TOP6BL: variants seen among roughly 807,000 people sequenced by gnomAD.
TOP6BL encodes the protein TOP6B like initiator of meiotic double strand breaks, also known as type 2 DNA topoisomerase 6 subunit B-like.
At chr11:66,775,993 T>C in the TOP6BL span, among the ~76,000 whole-genome samples, 3 of 152,132 alleles carry the variant, frequency 2.0e-5, no homozygotes, top group Non-Finnish European at 4.4e-5. Context: ...TTTTGGATCC[T>C]CTATATGGGC....
chr11:66,832,375 C>T, the TOP6BL span, among the ~76,000 whole-genome samples: 1 of 152,230 alleles, frequency 6.6e-6, no homozygotes, highest in Non-Finnish European at 1.5e-5. Flanking sequence ...GCTGGGATTA[C>T]AGGCATGAGC....
At chr11:66,802,645 G>T in the TOP6BL span, among the ~76,000 whole-genome samples, 1 of 152,160 alleles carries the variant, frequency 6.6e-6, no homozygotes, top group Non-Finnish European at 1.5e-5. Flanking sequence ...TATGTGCCCA[G>T]AGGCAACACT....
the TOP6BL span, chr11:66,822,743 C>A: frequency 1.8e-6 from 2 of 1,091,742 alleles, no homozygotes; most frequent in Non-Finnish European, 2.7e-6. Context: ...GTGGCTCATG[C>A]CTATAATCGC....
At chr11:66,800,601 G>A in the TOP6BL span, 1 of 1,506,190 alleles carries the variant, frequency 6.6e-7, no homozygotes, top group Non-Finnish European at 9.1e-7. Flanking sequence ...TCTGTATCTT[G>A]GCTCATGTTA....
chr11:66,822,624 A>G, the TOP6BL span: 1 of 1,552,978 alleles, frequency 6.4e-7, no homozygotes, highest in Non-Finnish European at 8.7e-7. Context: ...GAGTATTCTG[A>G]CTGGAAGCAC....
the TOP6BL span, among the ~76,000 whole-genome samples, chr11:66,783,269 A>G: frequency 6.6e-6 from 1 of 152,186 alleles, no homozygotes; most frequent in Non-Finnish European, 1.5e-5. Flanking sequence ...AGGCTGAGGT[A>G]GGAGGATCCT....
chr11:66,836,473 T>C, the TOP6BL span, among the ~76,000 whole-genome samples: 9 of 151,708 alleles, frequency 5.9e-5, no homozygotes, highest in African/African-American at 1.7e-4. Context: ...CCTCCCAAAG[T>C]GTAGGGATTA....
chr11:66,810,520 A>C, the TOP6BL span, among the ~76,000 whole-genome samples: 1 of 152,210 alleles, frequency 6.6e-6, no homozygotes, highest in African/African-American at 2.4e-5. Flanking sequence ...TGAGGTCTTC[A>C]GTATTTAAAG....
chr11:66,764,755 A>T, the TOP6BL span, among the ~76,000 whole-genome samples: 1 of 151,970 alleles, frequency 6.6e-6, no homozygotes, highest in Non-Finnish European at 1.5e-5. Flanking sequence ...AGGTAGGCAG[A>T]TTGCTCGAGC....
chr11:66,757,472 A>G, the TOP6BL span, among the ~76,000 whole-genome samples: 1 of 152,226 alleles, frequency 6.6e-6, no homozygotes, highest in African/African-American at 2.4e-5. Flanking sequence ...GAGTATTACT[A>G]TCCAATAAAA....
At chr11:66,837,352 C>T in the TOP6BL span, among the ~76,000 whole-genome samples, 41 of 152,068 alleles carry the variant, frequency 2.7e-4, no homozygotes, top group African/African-American at 9.9e-4. Flanking sequence ...TGGTTTCAAT[C>T]TCCTGACGTC....
the TOP6BL span, among the ~76,000 whole-genome samples, chr11:66,766,284 C>CT: frequency 1.3e-5 from 2 of 152,220 alleles, no homozygotes; most frequent in East Asian, 3.9e-4. Flanking sequence ...TATCAAGGTA[C>CT]TTTTTTCTCT....
chr11:66,814,368 C>T, the TOP6BL span, among the ~76,000 whole-genome samples: 1 of 152,152 alleles, frequency 6.6e-6, no homozygotes, highest in African/African-American at 2.4e-5. Flanking sequence ...AAGTGATCCT[C>T]CTGCCTCACC....
chr11:66,836,889 C>T, the TOP6BL span, among the ~76,000 whole-genome samples: 3 of 150,226 alleles, frequency 2.0e-5, no homozygotes, highest in South Asian at 2.1e-4. Flanking sequence ...TCAGTAGAGA[C>T]GGGGTTTCAC....
chr11:66,745,615 G>C, the TOP6BL span, among the ~76,000 whole-genome samples: 1 of 152,208 alleles, frequency 6.6e-6, no homozygotes, highest in Non-Finnish European at 1.5e-5. Context: ...AGAAGCACAG[G>C]CTCTGAGGGC....
At chr11:66,764,240 A>G in the TOP6BL span, among the ~76,000 whole-genome samples, 286 of 152,250 alleles carry the variant, frequency 1.9e-3, 1 homozygote, top group African/African-American at 6.6e-3. Context: ...AAAAACATCT[A>G]ATTATTTATA....
the TOP6BL span, among the ~76,000 whole-genome samples, chr11:66,834,109 T>C: frequency 6.6e-6 from 1 of 152,206 alleles, no homozygotes; most frequent in Non-Finnish European, 1.5e-5. Context: ...ACTTACTGAA[T>C]CCCTAATCTG....
At chr11:66,748,176 T>G in the TOP6BL span, among the ~76,000 whole-genome samples, 3 of 152,246 alleles carry the variant, frequency 2.0e-5, no homozygotes, top group Admixed American at 2.0e-4. Context: ...TGAATTTCAC[T>G]GACTCTTTTC....
chr11:66,805,565 C>T, the TOP6BL span, among the ~76,000 whole-genome samples: 1 of 152,076 alleles, frequency 6.6e-6, no homozygotes, highest in South Asian at 2.1e-4. Context: ...GGACTCAAAC[C>T]ATCCTCCCAC....
Sources: allele counts gnomAD v4.1 joint callset (sites outside exome capture counted in the v4.1 genomes callset), GRCh38; gene constraint gnomAD v4.1.1; transcripts MANE v1.5; gene names NCBI Gene and HGNC (gene_info 2026-07-23, HGNC 2026-07-21).